The following SATL1 variants were observed in gnomAD, a reference collection of about 807,000 sequenced individuals.
The protein encoded by SATL1 is spermidine/spermine N1-acetyl transferase like 1, also known as spermidine/spermine N(1)-acetyltransferase-like protein 1.
In SATL1, 47 loss-of-function variants were observed where a neutral mutation model predicts 51.8. That is an observed-to-expected ratio of 0.91 (90% confidence interval 0.72 to 1.16). The LOEUF (loss-of-function observed/expected upper bound fraction) is 1.16. Among genes scored for constraint, SATL1 ranks in the 50% most tolerant of loss-of-function variants. SATL1 has a pLI of 0.00. For missense variants in SATL1, 520 were observed against 526.4 expected (o/e 0.99, Z 0.12); for synonymous variants, 176 against 182.4 (o/e 0.97, Z 0.28).
chrX:85,108,393 G>T lies in SATL1; in HGVS notation c.576C>A (p.Gly192=). 1 of 1,211,534 alleles carries T rather than the reference G, an allele frequency of 8.3e-7. No homozygotes were observed. The highest frequency in any genetic ancestry group is 1.1e-6 in the Non-Finnish European group (1 of 895,447). Residue 192 remains glycine, a synonymous_variant, in exon 3 of 8, where the codon GGC becomes GGA. Transcript: ENST00000644105. The stretch of plus-strand genomic sequence containing the variant: ...GTTGTTGCACGCCTGGTTGCCACAT[G>T]CCTGGTGGACTCATGTTTGGTTGCC... ...VLRQPNMSPP[G]MWQPGVQQPG... is the part of the protein sequence containing the mutation.
intron 2 of SATL1, among the ~76,000 whole-genome samples, chrX:85,170,941 A>G (rs1926958413): frequency 9.0e-6 from 1 of 111,695 alleles, no homozygotes. Flanking sequence ...GCATGAATGA[A>G]CAAATACTCT....
intron 2 of SATL1, among the ~76,000 whole-genome samples, chrX:85,115,885 T>A (rs1948974982): frequency 9.7e-6 from 1 of 102,995 alleles, no homozygotes; most frequent in Non-Finnish European, 2.0e-5. Flanking sequence ...GACCCCAGGA[T>A]CCTTCCCACC....
chrX:85,131,838 G>A (rs1478932546), intron 2 of SATL1, among the ~76,000 whole-genome samples: 2 of 111,461 alleles, frequency 1.8e-5, no homozygotes, highest in African/African-American at 6.5e-5. Context: ...TTGTAAGGCA[G>A]GCCTGATGGT....
intron 2 of SATL1, among the ~76,000 whole-genome samples, chrX:85,198,201 AT>A (rs1312991081): frequency 4.5e-5 from 5 of 111,835 alleles, no homozygotes; most frequent in African/African-American, 1.6e-4. Context: ...TCCATTGTGC[AT>A]ATGTACTATA....
At chrX:85,136,872 T>G (rs1925970209) in intron 2 of SATL1, among the ~76,000 whole-genome samples, 1 of 111,620 alleles carries the variant, frequency 9.0e-6, no homozygotes, top group Admixed American at 9.6e-5. Flanking sequence ...AGGCAATGAG[T>G]GATTATTACT....
chrX:85,153,837 C>T (rs1926525332), intron 2 of SATL1: 1 of 111,108 alleles, frequency 9.0e-6, no homozygotes, highest in South Asian at 3.8e-4. Context: ...ATACGATTGG[C>T]TTTAATAGTT....
At chrX:85,137,681 T>C (rs1250448250) in intron 2 of SATL1, among the ~76,000 whole-genome samples, 1 of 111,908 alleles carries the variant, frequency 8.9e-6, no homozygotes, top group Non-Finnish European at 1.9e-5. Flanking sequence ...GATTCCTGGA[T>C]CTGTGGTTTG....
chrX:85,176,554 T>A (rs946833936), intron 2 of SATL1, among the ~76,000 whole-genome samples: 1 of 111,946 alleles, frequency 8.9e-6, no homozygotes, highest in Admixed American at 9.5e-5. Context: ...ATCTCTGTAC[T>A]GATCTGAATA....
At chrX:85,147,830 C>T (rs1162999594) in intron 2 of SATL1, among the ~76,000 whole-genome samples, 4 of 111,457 alleles carry the variant, frequency 3.6e-5, no homozygotes, top group Non-Finnish European at 5.7e-5. Flanking sequence ...TGTACATCAC[C>T]ATCATCAAAG....
chrX:85,210,829 T>A (rs1212697188), intron 2 of SATL1: 3 of 111,583 alleles, frequency 2.7e-5, no homozygotes, highest in Non-Finnish European at 5.7e-5. Context: ...TGTTTTATTA[T>A]AAAGAAGATT....
chrX:85,163,864 TC>T (rs1480041664), intron 2 of SATL1, among the ~76,000 whole-genome samples: 1 of 111,844 alleles, frequency 8.9e-6, no homozygotes, highest in Admixed American at 9.5e-5. Context: ...AGTATTGAAG[TC>T]CCCCACTATT....
chrX:85,218,795 G>C lies in SATL1; in HGVS notation c.-313+5410C>G, dbSNP rs140710400. On this transcript the variant is annotated intron_variant, in intron 2 of 7. Transcript: ENST00000644105. ...CCTGTAATGTTTGCTTTTTACTTTA[G>C]TATGGAAACTGGATTGCCCAATATC... is the stretch of plus-strand genomic sequence containing the variant. 9.4e-3 allele frequency among the ~76,000 whole-genome samples: 1,049 copies of C among 111,434 alleles called. 17 individuals are homozygous for C. The highest frequency in any genetic ancestry group is 0.032 in the African/African-American group (988 of 30,707).
At chrX:85,228,067 A>T (rs1201879820) in intron 1 of SATL1, among the ~76,000 whole-genome samples, 1 of 111,247 alleles carries the variant, frequency 9.0e-6, no homozygotes, top group African/African-American at 3.3e-5. Context: ...TGATGAGAGC[A>T]TGGACGTTCA....
At chrX:85,093,910 A>G (rs1209672646) in intron 6 of SATL1, among the ~76,000 whole-genome samples, 4 of 111,644 alleles carry the variant, frequency 3.6e-5, no homozygotes, top group East Asian at 2.8e-4. Context: ...GGCTTATTCA[A>G]ACCTTGAGAG....
At chrX:85,104,817 T>C (rs1924995711) in intron 3 of SATL1, among the ~76,000 whole-genome samples, 1 of 111,744 alleles carries the variant, frequency 8.9e-6, no homozygotes, top group Non-Finnish European at 1.9e-5. Flanking sequence ...TTATACTGTA[T>C]TGTATAGGGA....
chrX:85,132,829 G>A (rs766349198), intron 2 of SATL1, among the ~76,000 whole-genome samples: 4 of 111,935 alleles, frequency 3.6e-5, no homozygotes, highest in African/African-American at 6.5e-5. Flanking sequence ...CCTACAGATG[G>A]AGTTTTGGTG....
At chrX:85,220,391 C>T (rs184810598) in intron 2 of SATL1, among the ~76,000 whole-genome samples, 14 of 108,614 alleles carry the variant, frequency 1.3e-4, no homozygotes, top group East Asian at 5.9e-4. Context: ...GGTCTGAGGG[C>T]GCATATGACC....
At chrX:85,157,115 C>T (rs1926617765) in intron 2 of SATL1, among the ~76,000 whole-genome samples, 1 of 108,297 alleles carries the variant, frequency 9.2e-6, no homozygotes, top group South Asian at 3.9e-4. Flanking sequence ...CATACTAAGT[C>T]CTAGAATATG....
chrX:85,192,223 G>A (rs865826326), intron 2 of SATL1, among the ~76,000 whole-genome samples: 11 of 111,495 alleles, frequency 9.9e-5, no homozygotes, highest in African/African-American at 2.6e-4. Flanking sequence ...CATTCTCCAT[G>A]GTGGATCCAG....
Sources: gnomAD v4.1 joint callset for allele counts (sites outside exome capture counted in the v4.1 genomes callset) on GRCh38, gnomAD v4.1.1 for gene constraint, MANE v1.5 for transcripts, NCBI Gene and HGNC (gene_info 2026-07-23, HGNC 2026-07-21) for gene names.